The following STAU2 variants were observed in gnomAD, a reference collection of about 807,000 sequenced individuals.
STAU2 encodes double-stranded RNA-binding protein Staufen homolog 2.
In STAU2, 20 loss-of-function variants were observed where a neutral mutation model predicts 65.9. The ratio of observed to expected loss-of-function variants is 0.30; its 90% confidence interval spans 0.21 to 0.44. The LOEUF is 0.44. Ranked by LOEUF, STAU2 falls within the 20% of genes least tolerant of loss-of-function variation. The probability of loss-of-function intolerance (pLI) is 1.00; values close to 1 mark genes in which losing one functional copy is unlikely to be tolerated. For missense variants in STAU2, 558 were observed against 683.9 expected (o/e 0.82, Z 2.05); for synonymous variants, 232 against 233.9 (o/e 0.99, Z 0.07).
rs957873823 is a variant in STAU2, at chr8:73,481,573, C to T, written c.1531-58871G>A. 7.4e-4 allele frequency among the ~76,000 whole-genome samples: 111 copies of T among 149,892 alleles called. 7 individuals are homozygous for T. Among genetic ancestry groups the T allele is most frequent in the Non-Finnish European group, 8.9e-5 (6 of 67,770 alleles). Reference sequence around the variant, plus strand: ...AAACTAAAGCATTCTCTAGCGAGAACGGGCTTTCTGCAACCCCACATTTAT... The same window carrying T: ...AAACTAAAGCATTCTCTAGCGAGAATGGGCTTTCTGCAACCCCACATTTAT... On this transcript the variant is annotated intron_variant, in intron 13 of 14. Transcript: ENST00000524300.
intron 13 of STAU2, among the ~76,000 whole-genome samples, chr8:73,465,025 A>C (rs1819574193): frequency 6.6e-6 from 1 of 152,250 alleles, no homozygotes; most frequent in South Asian, 2.1e-4. Context: ...ATAAACAGCA[A>C]CATGATTCTC....
At chr8:73,621,414 A>G (rs768879693) in intron 6 of STAU2, among the ~76,000 whole-genome samples, 5 of 152,200 alleles carry the variant, frequency 3.3e-5, no homozygotes, top group Non-Finnish European at 5.9e-5. Context: ...TAAATCACCC[A>G]GTTCAGTCTC....
chr8:73,621,343 T>C (rs531539560), intron 6 of STAU2, among the ~76,000 whole-genome samples: 23 of 152,306 alleles, frequency 1.5e-4, no homozygotes, highest in African/African-American at 5.3e-4. Flanking sequence ...AGGTGCCTTC[T>C]GCCATCCTGA....
At chr8:73,559,945 G>C (rs1393564322) in intron 12 of STAU2, among the ~76,000 whole-genome samples, 24 of 151,638 alleles carry the variant, frequency 1.6e-4, no homozygotes, top group Admixed American at 1.6e-3. Flanking sequence ...GAAAATGTTA[G>C]CTAACAGCAA....
At position 73,613,727 on chromosome 8, in the gene STAU2, C is replaced by T; in HGVS notation, c.891+17G>A. 1.3e-6 allele frequency: 2 copies of T among 1,574,998 alleles called. No homozygotes were observed. Among genetic ancestry groups the T allele is most frequent in the Non-Finnish European group, 1.7e-6 (2 of 1,160,228 alleles). On this transcript the variant is annotated intron_variant, in intron 9 of 14. Coordinates refer to ENST00000524300, the MANE Select transcript of STAU2 (RefSeq NM_001164380.2). The stretch of plus-strand genomic sequence containing the variant: ...TTATTTAGTAAAACTGACTGATGTT[C>T]ACAAATATAAACTTACCTTTACTAT...
At chr8:73,574,933 T>C (rs1010149176) in intron 12 of STAU2, among the ~76,000 whole-genome samples, 3 of 151,114 alleles carry the variant, frequency 2.0e-5, no homozygotes, top group African/African-American at 7.3e-5. Context: ...TAAAATAAAA[T>C]AAAAATAAAG....
At chr8:73,603,026 A>G (rs1811756519) in intron 10 of STAU2, among the ~76,000 whole-genome samples, 1 of 152,188 alleles carries the variant, frequency 6.6e-6, no homozygotes, top group African/African-American at 2.4e-5. Context: ...TGGGCATATT[A>G]ATGGTCCATT....
At chr8:73,695,709 G>T (rs1432047156) in intron 4 of STAU2, among the ~76,000 whole-genome samples, 1 of 152,152 alleles carries the variant, frequency 6.6e-6, no homozygotes, top group African/African-American at 2.4e-5. Context: ...CTACTTCAGG[G>T]AGCCCACTGC....
chr8:73,592,402 A>G (rs1468947813), intron 11 of STAU2, among the ~76,000 whole-genome samples: 1 of 152,104 alleles, frequency 6.6e-6, no homozygotes, highest in East Asian at 1.9e-4. Flanking sequence ...GATGAAATCA[A>G]CTAATTCTTT....
chr8:73,681,359 T>G (rs1818415361), intron 5 of STAU2, among the ~76,000 whole-genome samples: 1 of 152,180 alleles, frequency 6.6e-6, no homozygotes, highest in Non-Finnish European at 1.5e-5. Context: ...TTATGTCCAG[T>G]GAAACTAAGC....
intron 3 of STAU2, among the ~76,000 whole-genome samples, chr8:73,726,221 C>T (rs907487684): frequency 5.9e-5 from 9 of 152,024 alleles, no homozygotes; most frequent in Non-Finnish European, 1.3e-4. Flanking sequence ...TAAGTGGGAG[C>T]TAAATTTGTG....
At chr8:73,596,522 G>C (rs1407424530) in intron 10 of STAU2, among the ~76,000 whole-genome samples, 1 of 152,206 alleles carries the variant, frequency 6.6e-6, no homozygotes, top group African/African-American at 2.4e-5. Context: ...GTCTCAGTAA[G>C]TGATTGAAGA....
Position 73,502,783 on chromosome 8 carries a change from T to G in STAU2, c.1530+49229A>C, listed in dbSNP as rs900119183. Among the ~76,000 whole-genome samples, 5 of 152,058 alleles carry G rather than the reference T, an allele frequency of 3.3e-5. 1 individual carries two copies. The highest frequency in any genetic ancestry group is 1.3e-4 in the Admixed American group (2 of 15,240). Reference sequence around the variant, plus strand: ...GTTGTTGTTTACATTACAGATTTTCTTCTAATTATAATGATTAATTTTTAG... The same window carrying G: ...GTTGTTGTTTACATTACAGATTTTCGTCTAATTATAATGATTAATTTTTAG... On this transcript the variant is annotated intron_variant, in intron 13 of 14. Transcript: ENST00000524300.
chr8:73,688,710 G>C lies in STAU2; in HGVS notation c.218C>G (p.Ser73Cys). Reference protein sequence around the residue: ...QAVANKALTESTLPKPVQKPP... With the variant: ...QAVANKALTECTLPKPVQKPP... ...CTTCTGAACTGGTTTGGGAAGCGTA[G>C]ATTCAGTCAAAGCTTTATTGGCAAC... The change falls in exon 5 of 15, where the codon TCT (serine) becomes TGT (cysteine). Residue 73 changes from serine to cysteine, a missense_variant. Ser to Cys is a moderately radical substitution (Grantham distance 112). Coordinates refer to ENST00000524300, the MANE Select transcript of STAU2 (RefSeq NM_001164380.2). The C allele has an allele frequency of 6.2e-7, 1 of 1,614,156 alleles. No homozygotes were observed. Among genetic ancestry groups the C allele is most frequent in the South Asian group, 1.1e-5 (1 of 91,078 alleles).
chr8:73,497,975 T>C (rs1413616272), intron 13 of STAU2, among the ~76,000 whole-genome samples: 1 of 151,862 alleles, frequency 6.6e-6, no homozygotes, highest in Non-Finnish European at 1.5e-5. Flanking sequence ...CTGGTAATGA[T>C]ACAACTTATG....
rs77634453 is a variant in STAU2 at position 73,627,530 on chromosome 8, T to A, written c.411-10079A>T. On this transcript the variant is annotated intron_variant, in intron 6 of 14. Transcript: ENST00000524300. ...TCTGCCTTACAGAGTGCTCTTCCTGTCTTTAATGGGATTTTAGTTAATTCT... is the reference window on the plus strand; with the variant it reads ...TCTGCCTTACAGAGTGCTCTTCCTGACTTTAATGGGATTTTAGTTAATTCT... Among the ~76,000 whole-genome samples, 571 of 152,274 alleles carry A rather than the reference T, an allele frequency of 3.7e-3. 2 individuals are homozygous for A. Among genetic ancestry groups the A allele is most frequent in the Non-Finnish European group, 6.5e-3 (442 of 68,012 alleles).
At position 73,639,520 on chromosome 8, in the gene STAU2, T is replaced by C. The variant is rs896779541; in HGVS notation, c.411-22069A>G. Among the ~76,000 whole-genome samples, 3 of 152,096 alleles carry C rather than the reference T, an allele frequency of 2.0e-5. No individual in the cohort carries two copies. The South Asian group carries it at 6.2e-4, about 32-fold the overall frequency. On this transcript the variant is annotated intron_variant, in intron 6 of 14. Coordinates refer to ENST00000524300, the MANE Select transcript of STAU2 (RefSeq NM_001164380.2). Reference sequence around the variant, plus strand: ...TAAGAAAAAAAGATAGTACTAATAGTAAGGTGCTAATGAGCCGTACTTGGT... The same window carrying C: ...TAAGAAAAAAAGATAGTACTAATAGCAAGGTGCTAATGAGCCGTACTTGGT...
chr8:73,469,404 T>A (rs1819849312), intron 13 of STAU2, among the ~76,000 whole-genome samples: 1 of 151,504 alleles, frequency 6.6e-6, no homozygotes, highest in Non-Finnish European at 1.5e-5. Context: ...TGTATACATA[T>A]GTAACAAAGC....
intron 10 of STAU2, among the ~76,000 whole-genome samples, chr8:73,601,739 T>A (rs1277609300): frequency 6.6e-6 from 1 of 152,134 alleles, no homozygotes; most frequent in South Asian, 2.1e-4. Context: ...TGAATACCCA[T>A]AAAATGGAAG....
Sources: gnomAD v4.1 joint callset for allele counts (sites outside exome capture counted in the v4.1 genomes callset) on GRCh38, gnomAD v4.1.1 for gene constraint, MANE v1.5 for transcripts, NCBI Gene and HGNC (gene_info 2026-07-23, HGNC 2026-07-21) for gene names.